Variants in PITPNM1 observed in about 807,000 individuals in gnomAD.
PITPNM1 encodes membrane-associated phosphatidylinositol transfer protein 1.
Under a neutral mutation model 133.3 loss-of-function variants are expected in PITPNM1, and 74 were observed. The ratio of observed to expected loss-of-function variants is 0.56; its 90% CI spans 0.46 to 0.67. The LOEUF (loss-of-function observed/expected upper bound fraction) is 0.67. Ranked by LOEUF, PITPNM1 falls within the 30% of genes least tolerant of loss-of-function variation. PITPNM1 has a pLI of 0.00. For missense variants in PITPNM1, 1,398 were observed against 1,739.5 expected (o/e 0.80, Z 3.49); for synonymous variants, 738 against 741.4 (o/e 1.00, Z 0.08).
In PITPNM1 at chr11:67,493,709, G is replaced by C. The variant is rs1369670068; in HGVS notation, c.3137C>G (p.Ala1046Gly). The change falls in exon 21 of 24, where the codon GCT (alanine) becomes GGT (glycine). Residue 1046 changes from alanine (A) to glycine (G), a missense_variant. This residue lies in a region of PITPNM1 where 233 missense variants were observed against 378.0 expected (regional missense o/e 0.62). Coordinates refer to ENST00000356404, the MANE Select transcript of PITPNM1 (RefSeq NM_004910.3). ...SIMGSDPKVR[A>G]GAVDVVRHWQ... ...CTACCTGACCACGTCCACGGCGCCA[G>C]CTCGCACCTTGGGGTCGCTGCCCAT... 6.5e-7 allele frequency: 1 copy of C among 1,547,060 alleles called. No individual in the cohort carries two copies. Among genetic ancestry groups the C allele is most frequent in the Non-Finnish European group, 8.7e-7 (1 of 1,146,990 alleles).
chr11:67,494,898 G>A lies in PITPNM1; in HGVS notation c.2690C>T (p.Pro897Leu). The change falls in exon 18 of 24, where the codon CCG (proline) becomes CTG (leucine). Residue 897 changes from proline to leucine, a missense_variant. Physicochemically the swap from Pro to Leu is moderately conservative, Grantham distance 98. This residue lies in a region of PITPNM1 where 574 missense variants were observed against 698.7 expected (regional missense o/e 0.82). Transcript: ENST00000356404. ...AECEEPSIYS[P>L]AFPREKWQRK... is the part of the protein sequence containing the mutation. ...CTGCCACTTCTCCCTGGGGAAGGCC[G>A]GGCTGTAGATGGACGGCTCCTCGCA... 6.2e-7 allele frequency: 1 copy of A among 1,613,032 alleles called. No individual in the cohort carries two copies. Among genetic ancestry groups the A allele is most frequent in the African/African-American group, 1.3e-5 (1 of 74,976 alleles).
At position 67,500,025 on chromosome 11, in the gene PITPNM1, A is replaced by G. The variant is rs745314845; in HGVS notation, c.968-16T>C. ...GACACAGCCCCTGCCGGGCCAGCTCAGCCTCAGCCTCAGCCCAGGAGCCCA... is the reference window on the plus strand; with the variant it reads ...GACACAGCCCCTGCCGGGCCAGCTCGGCCTCAGCCTCAGCCCAGGAGCCCA... On this transcript the variant is annotated splice_polypyrimidine_tract_variant and intron_variant, in intron 6 of 23. Coordinates refer to ENST00000356404, the MANE Select transcript of PITPNM1 (RefSeq NM_004910.3). 6.2e-7 allele frequency: 1 copy of G among 1,610,028 alleles called. No homozygotes were observed. The highest frequency in any genetic ancestry group is 1.7e-5 in the Admixed American group (1 of 59,990).
At position 67,499,821 on chromosome 11, in the gene PITPNM1, G is replaced by C. The variant is rs199545017; in HGVS notation, c.1073C>G (p.Ser358Trp). Reference protein sequence around the residue: ...EEFFDAHEGFSDSEEVFPKEM... With the variant: ...EEFFDAHEGFWDSEEVFPKEM... Reference sequence around the variant, plus strand: ...CTTGGGGAAGACCTCCTCACTGTCCGAGAAGCCTTCTGAGGGGACAGGGGG... The same window carrying C: ...CTTGGGGAAGACCTCCTCACTGTCCCAGAAGCCTTCTGAGGGGACAGGGGG... The change falls in exon 8 of 24, where the codon TCG becomes TGG. Residue 358 changes from serine to tryptophan, a missense_variant. Physicochemically the swap from Ser to Trp is radical, Grantham distance 177. Around this residue, in one of 5 missense-constraint regions of PITPNM1, gnomAD observed 195 missense variants for 178.8 expected, o/e 1.09. Transcript: ENST00000356404. 3.9e-5 allele frequency: 62 copies of C among 1,573,086 alleles called. No individual in the cohort carries two copies. The highest frequency in any genetic ancestry group is 5.3e-5 in the Non-Finnish European group (61 of 1,152,694).
At position 67,500,431 on chromosome 11, in the gene PITPNM1, C is replaced by G. The variant is rs1183686156; in HGVS notation, c.641-10G>C. The G allele has an allele frequency of 6.2e-7, 1 of 1,601,938 alleles. No individual in the cohort carries two copies. Among genetic ancestry groups the G allele is most frequent in the African/African-American group, 1.3e-5 (1 of 74,872 alleles). On this transcript the variant is annotated splice_polypyrimidine_tract_variant and intron_variant, in intron 5 of 23. Transcript: ENST00000356404. ...ATCACCCGACGCAGACCTGCAGGTG[C>G]CCAGGCGTCAGAACTGCCCCCTCCC...
chr11:67,495,270 C>A, intron 16 of PITPNM1, 45 bp from the exon 17 acceptor site: 5 of 1,537,808 alleles, frequency 3.3e-6, no homozygotes, highest in Non-Finnish European at 4.4e-6. Flanking sequence ...CTGCCCCACA[C>A]CCATCTGCCT....
chr11:67,499,613 A>G (rs1175809795), intron 8 of PITPNM1, 110 bp downstream of exon 8: 3 of 71,928 alleles, frequency 4.2e-5, no homozygotes, highest in African/African-American at 7.8e-4. Flanking sequence ...TTATTCGTCT[A>G]TGTATTTAAT....
chr11:67,494,232 C>G lies in PITPNM1; in HGVS notation c.2859+12G>C, dbSNP rs1866031761. 4 of 1,608,838 alleles carry G rather than the reference C, an allele frequency of 2.5e-6. No individual in the cohort carries two copies. Among genetic ancestry groups the G allele is most frequent in the Non-Finnish European group, 3.4e-6 (4 of 1,176,362 alleles). ...GCCATGGGACCAGGCGACAGGGCCT[C>G]TGGGTCCTGACCTTCTCTCCAGTGA... is the stretch of plus-strand genomic sequence containing the variant. On this transcript the variant is annotated intron_variant, in intron 19 of 23. Coordinates refer to ENST00000356404, the MANE Select transcript of PITPNM1 (RefSeq NM_004910.3).
At chr11:67,495,251 G>A (rs780420286) in intron 16 of PITPNM1, 26 bp from the exon 17 acceptor site, 1 of 1,560,872 alleles carries the variant, frequency 6.4e-7, no homozygotes, top group Non-Finnish European at 8.7e-7. Flanking sequence ...AGCGAGTCAG[G>A]ATGGCCTCCT....
Position 67,498,924 on chromosome 11 carries a change from G to A in PITPNM1, c.1233+16C>T, listed in dbSNP as rs1866225304. On this transcript the variant is annotated intron_variant, in intron 9 of 23. Transcript: ENST00000356404. This position sits in a 1 kb window ranked among gnomAD's most constrained non-coding sequence, Gnocchi z 5.7. ...AGTAGGGGGAGCTTTGACATGGGGT[G>A]GCTGACCATACTCGCCTCTGAGTCC... 1 of 1,612,180 alleles carries A rather than the reference G, an allele frequency of 6.2e-7. No individual in the cohort carries two copies. The highest frequency in any genetic ancestry group is 8.5e-7 in the Non-Finnish European group (1 of 1,179,298).
At position 67,499,904 on chromosome 11, in the gene PITPNM1, C is replaced by CA; in HGVS notation, c.1063+9dup. Reference sequence around the variant, plus strand: ...ACATCCCCACTCCCAAAAAGGGCCTCAGTGCTGACCGTGGGCATCAAAGAA... The same window carrying CA: ...ACATCCCCACTCCCAAAAAGGGCCTCAAGTGCTGACCGTGGGCATCAAAGAA... On this transcript the variant is annotated intron_variant, in intron 7 of 23. Coordinates refer to ENST00000356404, the MANE Select transcript of PITPNM1 (RefSeq NM_004910.3). 6.2e-7 allele frequency: 1 copy of CA among 1,610,318 alleles called. No homozygotes were observed.
rs1206707035 is a variant in PITPNM1, at chr11:67,494,954, C to T, written c.2634G>A (p.Val878=). ...ADVVAFILRQ[V]IEKERPQLAE... is the part of the protein sequence containing the mutation. ...CCAGCTGTGGCCGCTCCTTCTCGAT[C>T]ACCTGCACGGGACAGGGGGCGAGGC... Residue 878 remains valine, a splice_region_variant and synonymous_variant, in exon 18 of 24, where the codon GTG becomes GTA. Coordinates refer to ENST00000356404, the MANE Select transcript of PITPNM1 (RefSeq NM_004910.3). 5 of 1,612,478 alleles carry T rather than the reference C, an allele frequency of 3.1e-6. No individual in the cohort carries two copies. The Admixed American group carries it at 6.7e-5, about 21-fold the overall frequency.
In PITPNM1 at chr11:67,504,122, G is replaced by A. The variant is rs1282401467; in HGVS notation, c.59C>T (p.Ala20Val). The change falls in exon 2 of 24, where the codon GCC becomes GTC. Residue 20 changes from alanine (A) to valine (V), a missense_variant. By Grantham distance (64) the Ala-to-Val change is moderately conservative. Around this residue, in one of 5 missense-constraint regions of PITPNM1, gnomAD observed 274 missense variants for 360.7 expected, o/e 0.76. Transcript: ENST00000356404. This position sits in a 1 kb window ranked among gnomAD's most constrained non-coding sequence, Gnocchi z 5.4. The part of the protein sequence containing the change: ...LPMSLDEYQV[A>V]QLYMIQKKSR... ...CCTCACCTGGATCATGTAGAGCTGGGCCACCTGGTACTCGTCCAGGCTCAT... is the reference window on the plus strand; with the variant it reads ...CCTCACCTGGATCATGTAGAGCTGGACCACCTGGTACTCGTCCAGGCTCAT... 6.2e-7 allele frequency: 1 copy of A among 1,608,122 alleles called. No homozygotes were observed. Among genetic ancestry groups the A allele is most frequent in the Admixed American group, 1.7e-5 (1 of 59,498 alleles).
chr11:67,503,903 G>A (rs929693142), intron 2 of PITPNM1, 200 bp downstream of exon 2: 1 of 508,778 alleles, frequency 2.0e-6, no homozygotes, highest in Non-Finnish European at 3.5e-6. Context: ...GAGATCAGAG[G>A]AGGGCTGGGC....
rs373190803 is a variant in PITPNM1, at chr11:67,493,003, C to A, written c.3402G>T (p.Ala1134=). The change falls in exon 23 of 24, where the codon GCG becomes GCT. Residue 1134 remains alanine (A), a synonymous_variant. Coordinates refer to ENST00000356404, the MANE Select transcript of PITPNM1 (RefSeq NM_004910.3). ...AGGTCTGGCTCGGGGACAGCCCCAG[C>A]GCCGCGTATACAGCCACATCTTTGG... ...GSPKDVAVYA[A]LGLSPSQTYI... The A allele has an allele frequency of 1.9e-6, 3 of 1,613,002 alleles. No individual in the cohort carries two copies. In the South Asian group the frequency reaches 3.3e-5, roughly 18 times the overall value.
chr11:67,497,149 G>T (rs1016886624), intron 14 of PITPNM1, 82 bp downstream of exon 14: 13 of 1,189,284 alleles, frequency 1.1e-5, no homozygotes, highest in African/African-American at 6.2e-5. Flanking sequence ...CTCATGCCTC[G>T]GATGAGAGGG....
rs764973077 is a variant in PITPNM1 at position 67,502,308 on chromosome 11, C to T, written c.399G>A (p.Arg133=). 9 of 1,613,302 alleles carry T rather than the reference C, an allele frequency of 5.6e-6. No homozygotes were observed. Among genetic ancestry groups the T allele is most frequent in the African/African-American group, 5.3e-5 (4 of 74,948 alleles). The change falls in exon 4 of 24, where the codon AGG becomes AGA. Residue 133 remains arginine (R), a synonymous_variant. Coordinates refer to ENST00000356404, the MANE Select transcript of PITPNM1 (RefSeq NM_004910.3). This position sits in a 1 kb window ranked among gnomAD's most constrained non-coding sequence, Gnocchi z 5.9. ...AGGCCTCACCCAGGATGCGCTGTCT[C>T]CTCTCGGCCCCGCTCAGGTTGAAGA... ...PNVFNLSGAE[R]RQRILDTIDI...
At position 67,492,115 on chromosome 11, in the gene PITPNM1, C is replaced by A; in HGVS notation, c.3653G>T (p.Arg1218Leu). The A allele has an allele frequency of 8.1e-6, 13 of 1,612,190 alleles. No homozygotes were observed. Among genetic ancestry groups the A allele is most frequent in the South Asian group, 3.3e-5 (3 of 91,078 alleles). Reference protein sequence around the residue: ...LRSRGPSQAEREGPGTPPTTL... With the variant: ...LRSRGPSQAELEGPGTPPTTL... ...GGTGGGTGGTGTTCCCGGGCCCTCA[C>A]GCTCCGCCTGGCTGGGGCCCCTCGA... is the stretch of plus-strand genomic sequence containing the variant. The change falls in exon 24 of 24, where the codon CGT becomes CTT. Residue 1218 changes from arginine (R) to leucine (L), a missense_variant. Arg to Leu is a moderately radical substitution (Grantham distance 102). Around this residue, in one of 5 missense-constraint regions of PITPNM1, gnomAD observed 122 missense variants for 123.3 expected, o/e 0.99. Coordinates refer to ENST00000356404, the MANE Select transcript of PITPNM1 (RefSeq NM_004910.3).
intron 22 of PITPNM1, 79 bp from the exon 23 acceptor site, chr11:67,493,141 A>C: frequency 1.9e-6 from 3 of 1,559,208 alleles, no homozygotes; most frequent in Non-Finnish European, 2.6e-6. Flanking sequence ...GCTTCCCCAG[A>C]TTGTTCTGGG....
At position 67,498,101 on chromosome 11, in the gene PITPNM1, G is replaced by A; in HGVS notation, c.1674+32C>T. On this transcript the variant is annotated intron_variant, in intron 11 of 23. Transcript: ENST00000356404. This position sits in a 1 kb window ranked among gnomAD's most constrained non-coding sequence, Gnocchi z 5.7. ...AGACTACAGTGGGGGCTGCAGTGGA[G>A]GGCAGCAGATGGACTGTCCCTAACC... The A allele has an allele frequency of 6.2e-7, 1 of 1,609,550 alleles. No homozygotes were observed.
Sources: gnomAD v4.1 joint callset for allele counts on GRCh38, gnomAD v4.1.1 for gene constraint, gnomAD v4.1.1 regional missense constraint, Gnocchi (gnomAD v3.1) non-coding constraint, MANE v1.5 for transcripts, NCBI Gene and HGNC (gene_info 2026-07-23, HGNC 2026-07-21) for gene names.